Variants in KCNV2 observed in about 807,000 individuals in gnomAD.
The protein encoded by KCNV2 is potassium voltage-gated channel subfamily V member 2.
In KCNV2, 65 loss-of-function variants were observed where a neutral mutation model predicts 37.0. That is an observed-to-expected ratio of 1.76 (90% confidence interval 1.44 to 2.16). KCNV2 has a LOEUF of 2.16. Ranked by LOEUF, KCNV2 falls within the 30% of genes most tolerant of loss-of-function variation. The pLI is 0.00. For missense variants in KCNV2, 1,232 were observed against 766.7 expected (o/e 1.61, Z -7.17); for synonymous variants, 518 against 328.6 (o/e 1.58, Z -6.23).
Position 2,717,695 on chromosome 9 carries a change from T to C in KCNV2, c.-45T>C, listed in dbSNP as rs1313441033. 3.1e-6 allele frequency: 5 copies of C among 1,613,336 alleles called. No individual in the cohort carries two copies. The highest frequency in any genetic ancestry group is 3.3e-4 in the Middle Eastern group (2 of 6,080). On this transcript the variant is annotated 5_prime_UTR_variant, in exon 1 of 2. Coordinates refer to ENST00000382082, the MANE Select transcript of KCNV2 (RefSeq NM_133497.4). ...AGGCAGTGAGCAGGTGAGGGACCCC[T>C]ACCACAGCCAGGAGGAAAAAGCTAG...
chr9:2,723,458 A>G (rs1453232195), intron 1 of KCNV2, among the ~76,000 whole-genome samples: 2 of 152,238 alleles, frequency 1.3e-5, no homozygotes, highest in Admixed American at 6.5e-5. Context: ...ATTCTCCTGC[A>G]GCTGCAAAAC....
rs977790637 is a variant in KCNV2 at position 2,718,301 on chromosome 9, T to C, written c.562T>C (p.Trp188Arg). The C allele has an allele frequency of 1.2e-6, 2 of 1,609,780 alleles. No homozygotes were observed. Among genetic ancestry groups the C allele is most frequent in the South Asian group, 1.1e-5 (1 of 90,742 alleles). Residue 188 changes from tryptophan (W) to arginine (R), a missense_variant, in exon 1 of 2, where the codon TGG becomes CGG. Transcript: ENST00000382082. ...CCGCTTCCTGGAGGAGCTGGGCTACTGGGGCGTGCGGCTCAAGTACACGCC... is the reference window on the plus strand; with the variant it reads ...CCGCTTCCTGGAGGAGCTGGGCTACCGGGGCGTGCGGCTCAAGTACACGCC... ...PRRFLEELGY[W>R]GVRLKYTPRC... is the part of the protein sequence containing the mutation.
At chr9:2,729,126 C>T (rs75431496) in intron 1 of KCNV2, among the ~76,000 whole-genome samples, 5 of 152,168 alleles carry the variant, frequency 3.3e-5, no homozygotes, top group Admixed American at 3.3e-4. Flanking sequence ...AGGTACTTAA[C>T]ATACTATTTT....
chr9:2,721,290 C>T (rs12341721), intron 1 of KCNV2, among the ~76,000 whole-genome samples: 22,347 of 152,122 alleles, frequency 0.15, 2,799 homozygotes, highest in African/African-American at 0.34. Context: ...GACTGATCAT[C>T]TGTATTTATT....
chr9:2,729,481 C>T lies in KCNV2; in HGVS notation c.1392C>T (p.Tyr464=), dbSNP rs748266239. Residue 464 remains tyrosine, a synonymous_variant, in exon 2 of 2, where the codon TAC becomes TAT. Transcript: ENST00000382082. The stretch of plus-strand genomic sequence containing the variant: ...CCACCGTGGGCTACGGAGACATGTA[C>T]CCAGAGACCCACCTGGGCAGGTTTT... The part of the protein sequence containing the change: ...SISTVGYGDM[Y]PETHLGRFFA... The T allele has an allele frequency of 5.0e-6, 8 of 1,614,022 alleles. No homozygotes were observed. Among genetic ancestry groups the T allele is most frequent in the South Asian group, 1.1e-5 (1 of 91,074 alleles).
At chr9:2,722,333 A>T (rs1377189653) in intron 1 of KCNV2, among the ~76,000 whole-genome samples, 1 of 139,650 alleles carries the variant, frequency 7.2e-6, no homozygotes, top group African/African-American at 2.8e-5. Flanking sequence ...ATTAGAAGTT[A>T]TTTATAAATA....
At position 2,717,525 on chromosome 9, in the gene KCNV2, T is replaced by C. The variant is rs1819750611; in HGVS notation, c.-215T>C. The C allele has an allele frequency of 1.7e-6, 1 of 600,980 alleles. No individual in the cohort carries two copies. Among genetic ancestry groups the C allele is most frequent in the East Asian group, 2.8e-5 (1 of 35,658 alleles). 37.2% of individuals were successfully genotyped at this position (600,980 alleles called of 1,614,324 possible). ...CAGCAAGATTAGAGCAGTCAACAGCTGACTGCGTTCAGACCCTGCAGGCTG... is the reference window on the plus strand; with the variant it reads ...CAGCAAGATTAGAGCAGTCAACAGCCGACTGCGTTCAGACCCTGCAGGCTG... On this transcript the variant is annotated 5_prime_UTR_variant, in exon 1 of 2. Coordinates refer to ENST00000382082, the MANE Select transcript of KCNV2 (RefSeq NM_133497.4).
chr9:2,720,559 A>T (rs917192292), intron 1 of KCNV2: 2 of 152,236 alleles, frequency 1.3e-5, no homozygotes, highest in African/African-American at 2.4e-5. Flanking sequence ...ATGTGTACAG[A>T]TGAGGCTCAT....
intron 1 of KCNV2, among the ~76,000 whole-genome samples, chr9:2,724,800 C>G (rs1238481431): frequency 6.6e-6 from 1 of 152,144 alleles, no homozygotes; most frequent in Non-Finnish European, 1.5e-5. Context: ...AGACAGTGGG[C>G]AAGAGAATCT....
chr9:2,726,300 A>G (rs933166926), intron 1 of KCNV2, among the ~76,000 whole-genome samples: 1 of 152,238 alleles, frequency 6.6e-6, no homozygotes. Flanking sequence ...GACAACATAT[A>G]AATTAACTGT....
In KCNV2 at chr9:2,718,007, A is replaced by G. The variant is rs1309589817; in HGVS notation, c.268A>G (p.Ser90Gly). ...EVTTAKPEGP[S>G]DPPALLSTLN... ...CACCACCGCCAAGCCCGAGGGCCCC[A>G]GCGACCCTCCGGCCCTGCTGTCCAC... The change falls in exon 1 of 2, where the codon AGC becomes GGC. Residue 90 changes from serine to glycine, a missense_variant. Ser to Gly is a moderately conservative substitution (Grantham distance 56). Coordinates refer to ENST00000382082, the MANE Select transcript of KCNV2 (RefSeq NM_133497.4). 2 of 1,613,892 alleles carry G rather than the reference A, an allele frequency of 1.2e-6. No homozygotes were observed. Among genetic ancestry groups the G allele is most frequent in the South Asian group, 1.1e-5 (1 of 91,056 alleles).
intron 1 of KCNV2, among the ~76,000 whole-genome samples, chr9:2,725,724 G>A (rs1819958888): frequency 1.3e-5 from 2 of 152,080 alleles, no homozygotes; most frequent in Admixed American, 1.3e-4. Flanking sequence ...TGAAAAATAA[G>A]TTTTATTCCC....
chr9:2,723,495 C>T (rs1819915399), intron 1 of KCNV2, among the ~76,000 whole-genome samples: 1 of 152,194 alleles, frequency 6.6e-6, no homozygotes, highest in South Asian at 2.1e-4. Context: ...CTTATGTCTA[C>T]AAATGCTCAT....
At chr9:2,726,614 C>T (rs1490772054) in intron 1 of KCNV2, among the ~76,000 whole-genome samples, 2 of 152,134 alleles carry the variant, frequency 1.3e-5, no homozygotes, top group African/African-American at 2.4e-5. Context: ...CTCCCATCCC[C>T]GCCATCCTGA....
chr9:2,720,358 G>A (rs1337989978), intron 1 of KCNV2: 1 of 151,960 alleles, frequency 6.6e-6, no homozygotes, highest in African/African-American at 2.4e-5. Context: ...AAAAGGGGAG[G>A]CTGGACATGT....
chr9:2,728,598 A>G (rs1039177852), intron 1 of KCNV2, among the ~76,000 whole-genome samples: 5 of 152,324 alleles, frequency 3.3e-5, no homozygotes, highest in Admixed American at 6.5e-5. Context: ...AGGGGTGAAC[A>G]TATTTTTGGT....
chr9:2,718,595 C>T lies in KCNV2; in HGVS notation c.856C>T (p.Gln286Ter), dbSNP rs774446358. The T allele has an allele frequency of 3.7e-6, 6 of 1,612,930 alleles. No homozygotes were observed. The South Asian group carries it at 6.6e-5, about 18-fold the overall frequency. ...GGCGCTCAACACCGTGGAGGAGATG[C>T]AGCAGCACTCGGGGCAGGGCGAGGG... ...ALALNTVEEM[Q>*]QHSGQGEGGP... is the part of the protein sequence containing the mutation. Residue 286 changes from glutamine (Q) to a stop codon, truncating the protein, a stop_gained, in exon 1 of 2, where the codon CAG becomes TAG. Transcript: ENST00000382082. LOFTEE classifies it high-confidence loss of function.
In KCNV2 at chr9:2,717,864, G is replaced by C; in HGVS notation, c.125G>C (p.Ser42Thr). The change falls in exon 1 of 2, where the codon AGC becomes ACC. Residue 42 changes from serine to threonine, a missense_variant. Coordinates refer to ENST00000382082, the MANE Select transcript of KCNV2 (RefSeq NM_133497.4). ...SLGARSGSQA[S>T]IHGWTEGNYN... ...GGTGCCCGTTCCGGCTCCCAGGCCA[G>C]CATCCACGGCTGGACAGAGGGCAAC... The C allele has an allele frequency of 6.2e-7, 1 of 1,614,194 alleles. No individual in the cohort carries two copies. The highest frequency in any genetic ancestry group is 8.5e-7 in the Non-Finnish European group (1 of 1,180,018).
intron 1 of KCNV2, among the ~76,000 whole-genome samples, chr9:2,722,520 A>AG (rs1819896617): frequency 7.7e-6 from 1 of 130,500 alleles, no homozygotes; most frequent in African/African-American, 3.7e-5. Context: ...ATTTATAAAT[A>AG]AAAGTTATTT....
Sources: allele counts gnomAD v4.1 joint callset (sites outside exome capture counted in the v4.1 genomes callset), GRCh38; gene constraint gnomAD v4.1.1; transcripts MANE v1.5; gene names NCBI Gene and HGNC (gene_info 2026-07-23, HGNC 2026-07-21).